DNAH11: variants seen among roughly 807,000 people sequenced by gnomAD.
The protein encoded by DNAH11 is dynein axonemal heavy chain 11.
In DNAH11, 442 loss-of-function variants were observed where a neutral mutation model predicts 526.0. The observed-to-expected ratio is 0.84, with a 90% CI of 0.78 to 0.91. The LOEUF (loss-of-function observed/expected upper bound fraction) is 0.91. DNAH11 is among the 40% of genes least tolerant of loss of function. The pLI is 0.00. For missense variants in DNAH11, 6,989 were observed against 5,448.7 expected (o/e 1.28, Z -8.90); for synonymous variants, 2,461 against 1,935.9 (o/e 1.27, Z -7.12).
chr7:21,839,562 G>A (rs1370683182), intron 65 of DNAH11, among the ~76,000 whole-genome samples: 1 of 148,912 alleles, frequency 6.7e-6, no homozygotes, highest in East Asian at 1.9e-4. Context: ...GCGACAGAGT[G>A]AGACTCCGTT....
Position 21,901,435 on chromosome 7 carries a change from C to A in DNAH11, c.*181C>A. ...TACTAGAAACTAACTCAGGGCTGAG[C>A]GTGGTGGCACACGACTGTAATCCCA... On this transcript the variant is annotated 3_prime_UTR_variant, in exon 82 of 82. Coordinates refer to ENST00000409508, the MANE Select transcript of DNAH11 (RefSeq NM_001277115.2). 1 of 788,648 alleles carries A rather than the reference C, an allele frequency of 1.3e-6. No individual in the cohort carries two copies. The highest frequency in any genetic ancestry group is 1.8e-6 in the Non-Finnish European group (1 of 571,172). 48.9% of individuals were successfully genotyped at this position (788,648 alleles called of 1,614,324 possible). A position where few individuals can be genotyped will look rare whatever the true frequency, so the allele number is the denominator to read the frequency against.
intron 36 of DNAH11, among the ~76,000 whole-genome samples, chr7:21,701,289 CTTTTTTT>C (rs61172341): frequency 7.3e-6 from 1 of 136,572 alleles, no homozygotes. Context: ...ACACTTTTTA[CTTTTTTT>C]TTTTTTTTTT....
chr7:21,862,309 C>T (rs1783096105), intron 69 of DNAH11, among the ~76,000 whole-genome samples: 1 of 151,994 alleles, frequency 6.6e-6, no homozygotes, highest in African/African-American at 2.4e-5. Context: ...AGACATTCTT[C>T]TCACCTTCTC....
intron 25 of DNAH11, among the ~76,000 whole-genome samples, chr7:21,630,353 C>T (rs970006229): frequency 2.0e-5 from 3 of 152,104 alleles, no homozygotes; most frequent in African/African-American, 7.2e-5. Context: ...AGATTGCACA[C>T]CATAGTTACA....
chr7:21,646,669 A>G (rs1281165485), intron 28 of DNAH11, among the ~76,000 whole-genome samples: 1 of 152,142 alleles, frequency 6.6e-6, no homozygotes, highest in Non-Finnish European at 1.5e-5. Context: ...GCAAGAAATA[A>G]TGGCTGCTTC....
rs1346070981 is a variant in DNAH11 at position 21,543,565 on chromosome 7, C to T, written c.320C>T (p.Ala107Val). ...CCGGCTTGCCTTGTGTTTAGCTTCG[C>T]CGCCTCGGGGCGCCTTGCGGCTTCC... ...TSPACLVFSF[A>V]ASGRLAASQE... The change falls in exon 1 of 82, where the codon GCC (alanine) becomes GTC (valine). Residue 107 changes from alanine (A) to valine (V), a missense_variant. Physicochemically the swap from Ala to Val is moderately conservative, Grantham distance 64 (BLOSUM62 0). Coordinates refer to ENST00000409508, the MANE Select transcript of DNAH11 (RefSeq NM_001277115.2). The T allele has an allele frequency of 5.0e-6, 8 of 1,604,108 alleles. No homozygotes were observed. The highest frequency in any genetic ancestry group is 6.8e-6 in the Non-Finnish European group (8 of 1,175,284).
intron 2 of DNAH11, among the ~76,000 whole-genome samples, chr7:21,546,512 T>C (rs1046265886): frequency 2.0e-5 from 3 of 152,214 alleles, no homozygotes; most frequent in Non-Finnish European, 4.4e-5. Context: ...TGCTCTACTA[T>C]CTGTGTCTGG....
At chr7:21,623,480 A>G (rs534927057) in intron 25 of DNAH11, among the ~76,000 whole-genome samples, 6 of 152,336 alleles carry the variant, frequency 3.9e-5, no homozygotes, top group Non-Finnish European at 8.8e-5. Flanking sequence ...TACCCAAAGG[A>G]TTATAAATCA....
intron 76 of DNAH11, among the ~76,000 whole-genome samples, chr7:21,889,855 G>T (rs1346584627): frequency 1.3e-5 from 2 of 152,208 alleles, no homozygotes; most frequent in African/African-American, 4.8e-5. Context: ...AAAGTCTTGA[G>T]TGGGAAAGGA....
At chr7:21,674,491 A>C (rs1299529224) in intron 30 of DNAH11, among the ~76,000 whole-genome samples, 1 of 151,940 alleles carries the variant, frequency 6.6e-6, no homozygotes, top group Non-Finnish European at 1.5e-5. Flanking sequence ...CTCCCAAGTA[A>C]CTGGGGTTAC....
intron 68 of DNAH11, among the ~76,000 whole-genome samples, chr7:21,856,689 G>A (rs55846125): frequency 0.097 from 14,714 of 151,912 alleles, 2,078 homozygotes; most frequent in African/African-American, 0.3. Flanking sequence ...CAAAAATCAC[G>A]AAGTGTAATT....
chr7:21,600,958 A>G, intron 16 of DNAH11, 28 bp downstream of exon 16: 2 of 1,611,930 alleles, frequency 1.2e-6, no homozygotes, highest in South Asian at 2.2e-5. Context: ...CATTTAATGT[A>G]GTGAAATGGC....
At chr7:21,634,486 G>A (rs572773886) in intron 25 of DNAH11, among the ~76,000 whole-genome samples, 7 of 152,192 alleles carry the variant, frequency 4.6e-5, no homozygotes, top group South Asian at 2.1e-4. Flanking sequence ...AATACCTAGA[G>A]TAGAGAAAAA....
At chr7:21,827,540 T>A (rs1047974308) in intron 65 of DNAH11, among the ~76,000 whole-genome samples, 1 of 151,928 alleles carries the variant, frequency 6.6e-6, no homozygotes, top group Non-Finnish European at 1.5e-5. Flanking sequence ...TATTTTATAC[T>A]TCATTCTGTA....
chr7:21,735,183 A>C (rs926693436), intron 45 of DNAH11, among the ~76,000 whole-genome samples: 3 of 152,142 alleles, frequency 2.0e-5, no homozygotes, highest in Admixed American at 6.5e-5. Flanking sequence ...ACAAACAAAC[A>C]AACCAGGCTA....
rs556171467 is a variant in DNAH11 at position 21,748,872 on chromosome 7, G to C, written c.8673+130G>C. The C allele has an allele frequency of 1.3e-5, 11 of 856,606 alleles. 1 individual carries two copies. The highest frequency in any genetic ancestry group is 1.9e-5 in the Non-Finnish European group (11 of 593,836). The allele number at this position is 856,606 out of a possible 1,614,324, so 53.1% of individuals were successfully genotyped here. On this transcript the variant is annotated intron_variant, in intron 52 of 81. Coordinates refer to ENST00000409508, the MANE Select transcript of DNAH11 (RefSeq NM_001277115.2). The stretch of plus-strand genomic sequence containing the variant: ...CCTCCCCAACCACGGGAGAGCGGGA[G>C]CTCTTTAAAGCAGTAATTGACCTTT...
rs572664902 is a variant in DNAH11, at chr7:21,868,064, C to G, written c.11839+57C>G. On this transcript the variant is annotated intron_variant, in intron 72 of 81. Transcript: ENST00000409508. Reference sequence around the variant, plus strand: ...CTTCTCCCTCCCTCCCTTTCACCCCCACCCCTGCCCTTCTTTTCAGTTCAC... The same window carrying G: ...CTTCTCCCTCCCTCCCTTTCACCCCGACCCCTGCCCTTCTTTTCAGTTCAC... 38 of 1,362,568 alleles carry G rather than the reference C, an allele frequency of 2.8e-5. No individual in the cohort carries two copies. The East Asian group carries it at 8.3e-4, about 30-fold the overall frequency. The allele number at this position is 1,362,568 out of a possible 1,614,324, so 84.4% of individuals were successfully genotyped here. A position where few individuals can be genotyped will look rare whatever the true frequency, so the allele number is the denominator to read the frequency against.
chr7:21,825,595 A>G (rs958885640), intron 65 of DNAH11, among the ~76,000 whole-genome samples: 3 of 150,496 alleles, frequency 2.0e-5, no homozygotes, highest in Non-Finnish European at 3.0e-5. Context: ...ACCTCTTCCT[A>G]TGACGAACTA....
At chr7:21,770,534 C>G (rs1787392231) in intron 55 of DNAH11, among the ~76,000 whole-genome samples, 1 of 152,166 alleles carries the variant, frequency 6.6e-6, no homozygotes, top group African/African-American at 2.4e-5. Context: ...CTTACCACCT[C>G]TCATCACCAG....
Sources: allele counts gnomAD v4.1 joint callset (sites outside exome capture counted in the v4.1 genomes callset), GRCh38; gene constraint gnomAD v4.1.1; transcripts MANE v1.5; gene names NCBI Gene and HGNC (gene_info 2026-07-23, HGNC 2026-07-21).